Variants in TTN observed in about 807,000 individuals in gnomAD.
The protein encoded by TTN is connectin.
Under a neutral mutation model 3,223.0 loss-of-function variants are expected in TTN, and 1,525 were observed. The observed-to-expected ratio is 0.47, with a 90% CI of 0.45 to 0.49. The LOEUF (loss-of-function observed/expected upper bound fraction) is 0.49. Ranked by LOEUF, TTN falls within the 20% of genes least tolerant of loss-of-function variation. TTN has a pLI of 0.00. For synonymous variants in TTN, 14,094 were observed against 15,161.0 expected (o/e 0.93, Z 5.17); for missense variants, 40,786 against 43,424.0 (o/e 0.94, Z 5.40).
chr2:178,686,367 G>A (rs1335515271), intron 127 of TTN, among the ~76,000 whole-genome samples: 4 of 151,342 alleles, frequency 2.6e-5, no homozygotes, highest in East Asian at 1.9e-4. Context: ...TGATCCACCC[G>A]CCTCGGCCTC....
Position 178,671,843 on chromosome 2 carries a change from CTAGTT to C in TTN, c.35227+123_35227+127del, listed in dbSNP as rs570993968. ...TAAGAGATATTAATCTTTGTGTCAA[CTAGTT>C]TAAACTCATGTTTAAAGTATTTCAT... On this transcript the variant is annotated intron_variant, in intron 155 of 362. Coordinates refer to ENST00000589042, the MANE Select transcript of TTN (RefSeq NM_001267550.2). 1.7e-3 allele frequency: 1,595 copies of C among 922,008 alleles called. 2 individuals are homozygous for C. Among genetic ancestry groups the C allele is most frequent in the Non-Finnish European group, 2.2e-3 (1,355 of 617,660 alleles). The allele number at this position is 922,008 out of a possible 1,614,324, so 57.1% of individuals were successfully genotyped here.
Position 178,717,770 on chromosome 2 carries a change from G to A in TTN, c.25104C>T (p.Asp8368=), listed in dbSNP as rs369089044. 11 of 1,608,834 alleles carry A rather than the reference G, an allele frequency of 6.8e-6. No homozygotes were observed. The highest frequency in any genetic ancestry group is 8.5e-6 in the Non-Finnish European group (10 of 1,177,538). ...CTGGGAAGCCTAGAGTCTCATGAAC[G>A]TCTTTCAGTTTTCTTGCAAAGAAAG... ...LPPFFARKLK[D]VHETLGFPVA... The change falls in exon 87 of 363, where the codon GAC becomes GAT. Residue 8368 remains aspartate (D), a synonymous_variant. Coordinates refer to ENST00000589042, the MANE Select transcript of TTN (RefSeq NM_001267550.2).
Position 178,604,170 on chromosome 2 carries a change from G to A in TTN, c.54517C>T (p.Pro18173Ser), listed in dbSNP as rs766074604. 4.7e-5 allele frequency: 75 copies of A among 1,612,008 alleles called. No individual in the cohort carries two copies. The Admixed American group carries it at 1.2e-3, about 27-fold the overall frequency. The stretch of plus-strand genomic sequence containing the variant: ...CCTTTGGTGCGTGCCAAAACTTTTG[G>A]TTTTCCTGGAGGTCCAGGAAGGCGA... ...PYRLPGPPGK[P>S]KVLARTKGSM... Residue 18173 changes from proline to serine, a missense_variant, in exon 282 of 363, where the codon CCA becomes TCA. Coordinates refer to ENST00000589042, the MANE Select transcript of TTN (RefSeq NM_001267550.2).
rs1703576117 is a variant in TTN, at chr2:178,561,288, C to T, written c.84844G>A (p.Ala28282Thr). 2 of 1,613,674 alleles carry T rather than the reference C, an allele frequency of 1.2e-6. No homozygotes were observed. Among genetic ancestry groups the T allele is most frequent in the Admixed American group, 1.7e-5 (1 of 59,984 alleles). ...KWSKPHYDGG[A>T]KITGYIVERR... The stretch of plus-strand genomic sequence containing the variant: ...TCAACAATGTATCCTGTGATCTTAG[C>T]TCCACCATCATAATGTGGTTTAGAC... The change falls in exon 326 of 363, where the codon GCT becomes ACT. Residue 28282 changes from alanine (A) to threonine (T), a missense_variant. By Grantham distance (58) the Ala-to-Thr change is moderately conservative. Transcript: ENST00000589042.
chr2:178,767,709 G>C (rs1016311757), intron 40 of TTN, 50 bp downstream of exon 40: 1 of 1,601,140 alleles, frequency 6.2e-7, no homozygotes, highest in Admixed American at 1.7e-5. Context: ...TAAAATGATA[G>C]ATTATGGACT....
intron 47 of TTN, chr2:178,746,438 A>G (rs754838797): frequency 6.2e-7 from 1 of 1,611,316 alleles, no homozygotes; most frequent in Non-Finnish European, 8.5e-7. Context: ...AAATTCTTTA[A>G]CGTCTTTTTC....
intron 97 of TTN, 25 bp from the exon 98 acceptor site, chr2:178,710,947 G>A (rs2076568965): frequency 6.3e-7 from 1 of 1,597,622 alleles, no homozygotes; most frequent in East Asian, 2.2e-5. Context: ...GAAAGACAAG[G>A]TTTCAGGCTC....
At position 178,741,460 on chromosome 2, in the gene TTN, C is replaced by A; in HGVS notation, c.11773G>T (p.Val3925Leu). Residue 3925 changes from valine to leucine, a missense_variant, in exon 48 of 363, where the codon GTG becomes TTG. Transcript: ENST00000589042. The part of the protein sequence containing the change: ...GHKDTETESA[V>L]AKSLEKLGGP... The stretch of plus-strand genomic sequence containing the variant: ...CCCAGCTTTTCCAGAGATTTTGCCA[C>A]TGCTGATTCTGTTTCAGTGTCTTTG... The A allele has an allele frequency of 3.1e-6, 5 of 1,613,852 alleles. No individual in the cohort carries two copies. Among genetic ancestry groups the A allele is most frequent in the African/African-American group, 1.3e-5 (1 of 75,028 alleles).
In TTN at chr2:178,781,169, G is replaced by A. The variant is rs797046063; in HGVS notation, c.3475C>T (p.Arg1159Cys). Residue 1159 changes from arginine to cysteine, a missense_variant, in exon 21 of 363, where the codon CGC (arginine) becomes TGC (cysteine). Arg to Cys is a radical substitution (Grantham distance 180). Transcript: ENST00000589042. The part of the protein sequence containing the change: ...DDAGEYTIVV[R>C]NKHGETSASA... ...GCAGAAGTTTCTCCATGCTTATTGCGAACAACAATAGTGTATTCTCCAGCA... is the reference window on the plus strand; with the variant it reads ...GCAGAAGTTTCTCCATGCTTATTGCAAACAACAATAGTGTATTCTCCAGCA... The A allele has an allele frequency of 3.1e-6, 5 of 1,613,960 alleles. No homozygotes were observed. The highest frequency in any genetic ancestry group is 1.7e-5 in the Admixed American group (1 of 60,014).
Position 178,528,217 on chromosome 2 carries a change from A to C in TTN, c.107377+57T>G, listed in dbSNP as rs920580985. ...AGTTTTCTGTGCTTGAAAGAGAGGC[A>C]AAAAAACGATCTAAAGGCCTTAAAC... On this transcript the variant is annotated intron_variant, in intron 361 of 362. Coordinates refer to ENST00000589042, the MANE Select transcript of TTN (RefSeq NM_001267550.2). 18 of 1,542,102 alleles carry C rather than the reference A, an allele frequency of 1.2e-5. No individual in the cohort carries two copies. In the Admixed American group the frequency reaches 1.7e-4, roughly 14 times the overall value.
chr2:178,631,387 A>C (rs1177167673), intron 236 of TTN, 87 bp from the exon 237 acceptor site: 2 of 1,363,974 alleles, frequency 1.5e-6, no homozygotes, highest in Non-Finnish European at 2.0e-6. Context: ...CAACTCACAG[A>C]GTTCTGAGTA....
At position 178,741,366 on chromosome 2, in the gene TTN, A is replaced by G. The variant is rs1156715113; in HGVS notation, c.11867T>C (p.Ile3956Thr). The change falls in exon 48 of 363, where the codon ATC becomes ACC. Residue 3956 changes from isoleucine to threonine, a missense_variant. By Grantham distance (89) the Ile-to-Thr change is moderately conservative. Coordinates refer to ENST00000589042, the MANE Select transcript of TTN (RefSeq NM_001267550.2). ...CTCTCCAACCACTGTGTACTCAAAG[A>G]TGGCAGGAAGCCCTTGAGCACAGCG... ...PIRCAQGLPA[I>T]FEYTVVGEPA... The G allele has an allele frequency of 6.8e-6, 11 of 1,613,798 alleles. No homozygotes were observed. Among genetic ancestry groups the G allele is most frequent in the Non-Finnish European group, 9.3e-6 (11 of 1,179,832 alleles).
Position 178,593,228 on chromosome 2 carries a change from A to C in TTN, c.58980T>G (p.Ile19660Met), listed in dbSNP as rs762554922. Residue 19660 changes from isoleucine (I) to methionine (M), a missense_variant, in exon 299 of 363, where the codon ATT becomes ATG. Physicochemically the swap from Ile to Met is conservative, Grantham distance 10. Coordinates refer to ENST00000589042, the MANE Select transcript of TTN (RefSeq NM_001267550.2). Reference protein sequence around the residue: ...YEFRVSAENEIGIGDPSPPSK... With the variant: ...YEFRVSAENEMGIGDPSPPSK... The stretch of plus-strand genomic sequence containing the variant: ...ATGGTGGGCTTGGATCTCCAATACC[A>C]ATTTCATTTTCTGCAGAAACCCGGA... 14 of 1,613,302 alleles carry C rather than the reference A, an allele frequency of 8.7e-6. No individual in the cohort carries two copies. The highest frequency in any genetic ancestry group is 1.3e-5 in the African/African-American group (1 of 74,900).
At position 178,538,756 on chromosome 2, in the gene TTN, C is replaced by A. The variant is rs878998371; in HGVS notation, c.99073G>T (p.Asp33025Tyr). 3.1e-6 allele frequency: 5 copies of A among 1,613,710 alleles called. No individual in the cohort carries two copies. Among genetic ancestry groups the A allele is most frequent in the Non-Finnish European group, 3.4e-6 (4 of 1,179,706 alleles). Residue 33025 changes from aspartate to tyrosine, a missense_variant, in exon 354 of 363, where the codon GAT (aspartate) becomes TAT (tyrosine). Transcript: ENST00000589042. ...VTLQWEKPEC[D>Y]GGKEILGYWV... The stretch of plus-strand genomic sequence containing the variant: ...TATCCAAGAATTTCTTTACCACCAT[C>A]ACATTCAGGTTTCTCCCACTGTAGA...
chr2:178,635,561 A>G lies in TTN; in HGVS notation c.41763T>C (p.Thr13921=). 1.3e-6 allele frequency: 2 copies of G among 1,594,880 alleles called. No individual in the cohort carries two copies. The highest frequency in any genetic ancestry group is 2.3e-5 in the South Asian group (2 of 88,660). Residue 13921 remains threonine (T), a synonymous_variant, in exon 227 of 363, where the codon ACT becomes ACC. Transcript: ENST00000589042. The part of the protein sequence containing the change: ...DEIPAEPNDK[T]EILRDGNHLY... ...GATGATTTCCATCTCTCAGTATTTC[A>G]GTCTTATCATTTGGTTCCGCAGGGA...
At chr2:178,726,281 A>T in intron 69 of TTN, 1 of 396,296 alleles carries the variant, frequency 2.5e-6, no homozygotes, top group Non-Finnish European at 4.4e-6. Context: ...ACAGTTCAAC[A>T]TTCTATCTAC....
chr2:178,679,391 C>T lies in TTN; in HGVS notation c.33690G>A (p.Glu11230=). ...AKVPEVPKKP[E]EKVPVLIPKK... ...TAGGAATAAGCACAGGAACTTTCTC[C>T]TCTGGCTTCTTAGGAACCTCAGGCA... The change falls in exon 142 of 363, where the codon GAG becomes GAA. Residue 11230 remains glutamate, a synonymous_variant. Transcript: ENST00000589042. The T allele has an allele frequency of 2.5e-6, 4 of 1,612,718 alleles. No individual in the cohort carries two copies. The highest frequency in any genetic ancestry group is 3.4e-6 in the Non-Finnish European group (4 of 1,179,108).
intron 159 of TTN, among the ~76,000 whole-genome samples, chr2:178,668,589 G>A (rs937101382): frequency 1.3e-5 from 2 of 151,604 alleles, no homozygotes; most frequent in South Asian, 2.1e-4. Context: ...AAAATTAGCC[G>A]GGCCTGGTGG....
Position 178,730,920 on chromosome 2 carries a change from C to T in TTN, c.17740+5G>A. On this transcript the variant is annotated splice_donor_5th_base_variant and intron_variant, in intron 60 of 362. Transcript: ENST00000589042. Reference sequence around the variant, plus strand: ...CAATCCTCTCTGTAGAAGAACAATACCAACCTAATACATTAATTCTAGCCT... The same window carrying T: ...CAATCCTCTCTGTAGAAGAACAATATCAACCTAATACATTAATTCTAGCCT... 6.3e-7 allele frequency: 1 copy of T among 1,589,542 alleles called. No individual in the cohort carries two copies. The highest frequency in any genetic ancestry group is 8.6e-7 in the Non-Finnish European group (1 of 1,166,878).
Sources: allele counts gnomAD v4.1 joint callset (sites outside exome capture counted in the v4.1 genomes callset), GRCh38; gene constraint gnomAD v4.1.1; transcripts MANE v1.5; gene names NCBI Gene and HGNC (gene_info 2026-07-23, HGNC 2026-07-21).